Variants in RSU1 observed in about 807,000 individuals in gnomAD.
RSU1 encodes the protein Ras suppressor protein 1.
RSU1 carries 26 observed loss-of-function variants against 31.1 expected under a neutral mutation model. The observed-to-expected ratio is 0.84, with a 90% CI of 0.61 to 1.16. The LOEUF (loss-of-function observed/expected upper bound fraction) is 1.16, where lower values mean the gene tolerates loss of function less well. Among genes scored for constraint, RSU1 ranks in the 50% most tolerant of loss-of-function variants. The pLI, the probability that RSU1 is intolerant of heterozygous loss-of-function variation, is 0.00. For synonymous variants in RSU1, 164 were observed against 136.3 expected (o/e 1.20, Z -1.41); for missense variants, 320 against 339.1 (o/e 0.94, Z 0.44).
chr10:16,691,628 C>G (rs1835552468), intron 8 of RSU1, among the ~76,000 whole-genome samples: 1 of 151,230 alleles, frequency 6.6e-6, no homozygotes, highest in African/African-American at 2.4e-5. Context: ...AGCAGAGCAT[C>G]ATGTAGATGC....
At chr10:16,784,725 C>T (rs559204949) in intron 2 of RSU1, among the ~76,000 whole-genome samples, 34 of 152,284 alleles carry the variant, frequency 2.2e-4, no homozygotes, top group Middle Eastern at 6.8e-3. Flanking sequence ...TGCAGGGGAA[C>T]TCCCCTTCAT....
At chr10:16,614,626 A>C (rs1833944789) in intron 8 of RSU1, among the ~76,000 whole-genome samples, 1 of 152,224 alleles carries the variant, frequency 6.6e-6, no homozygotes, top group Admixed American at 6.5e-5. Flanking sequence ...CCATAAATAC[A>C]TACACCTACT....
At chr10:16,737,546 G>C (rs900788664) in intron 7 of RSU1, among the ~76,000 whole-genome samples, 4 of 151,842 alleles carry the variant, frequency 2.6e-5, no homozygotes, top group African/African-American at 4.8e-5. Flanking sequence ...AAATATTTCA[G>C]ATAAACAAAA....
chr10:16,805,633 G>A (rs1433364421), intron 2 of RSU1, among the ~76,000 whole-genome samples: 26 of 135,344 alleles, frequency 1.9e-4, no homozygotes, highest in Non-Finnish European at 3.3e-4. Context: ...CGGAGATCAC[G>A]CCACTGCACT....
At chr10:16,657,836 T>C (rs1480387030) in intron 8 of RSU1, among the ~76,000 whole-genome samples, 1 of 151,948 alleles carries the variant, frequency 6.6e-6, no homozygotes, top group Non-Finnish European at 1.5e-5. Flanking sequence ...CTACTAAAAA[T>C]ACAAAAATTA....
At chr10:16,757,116 C>CGT (rs368041257) in intron 4 of RSU1, among the ~76,000 whole-genome samples, 4 of 137,718 alleles carry the variant, frequency 2.9e-5, no homozygotes, top group South Asian at 4.8e-4. Context: ...TGTGGGTGTG[C>CGT]GTGTGTGTGT....
chr10:16,756,738 T>C (rs1398678316), intron 4 of RSU1, among the ~76,000 whole-genome samples: 2 of 152,206 alleles, frequency 1.3e-5, no homozygotes, highest in African/African-American at 4.8e-5. Context: ...AATGTGTGGA[T>C]TTTTGACTGC....
chr10:16,681,722 T>C (rs572967562), intron 8 of RSU1, among the ~76,000 whole-genome samples: 11 of 152,212 alleles, frequency 7.2e-5, no homozygotes, highest in African/African-American at 2.6e-4. Context: ...TCATTTGCCA[T>C]GAGAAAACTG....
intron 8 of RSU1, among the ~76,000 whole-genome samples, chr10:16,629,492 C>T (rs543681634): frequency 6.6e-6 from 1 of 152,168 alleles, no homozygotes; most frequent in South Asian, 2.1e-4. Flanking sequence ...CACTGAATTA[C>T]TGCATGGTAA....
chr10:16,746,064 C>T (rs1316292803), intron 7 of RSU1, among the ~76,000 whole-genome samples: 1 of 152,180 alleles, frequency 6.6e-6, no homozygotes, highest in Non-Finnish European at 1.5e-5. Flanking sequence ...AGATTTTTGA[C>T]TGTACATCCA....
chr10:16,738,851 C>A (rs906679090), intron 7 of RSU1, among the ~76,000 whole-genome samples: 4 of 150,194 alleles, frequency 2.7e-5, no homozygotes, highest in African/African-American at 9.8e-5. Flanking sequence ...TAATGCTCTC[C>A]CTCTCCTTGC....
chr10:16,754,762 T>G (rs994349347), intron 5 of RSU1, 109 bp downstream of exon 5: 17 of 701,926 alleles, frequency 2.4e-5, no homozygotes, highest in Admixed American at 7.2e-5. Flanking sequence ...AAGAAAAAAT[T>G]ATCTCTGTCC....
intron 7 of RSU1, among the ~76,000 whole-genome samples, chr10:16,729,603 G>A (rs1369422870): frequency 6.6e-6 from 1 of 152,176 alleles, no homozygotes; most frequent in African/African-American, 2.4e-5. Flanking sequence ...GGCATGAAAA[G>A]ATATGGAGAC....
At chr10:16,753,512 G>A (rs1211287080) in intron 5 of RSU1, among the ~76,000 whole-genome samples, 1 of 152,174 alleles carries the variant, frequency 6.6e-6, no homozygotes, top group Non-Finnish European at 1.5e-5. Flanking sequence ...CAGCTCATCA[G>A]TTCCATAATC....
At chr10:16,645,870 A>ATATTC (rs1564298092) in intron 8 of RSU1, among the ~76,000 whole-genome samples, 2 of 120,832 alleles carry the variant, frequency 1.7e-5, no homozygotes, top group African/African-American at 8.2e-5. Flanking sequence ...ACGTATATAT[A>ATATTC]CATATATGTG....
chr10:16,681,175 G>A (rs77976591), intron 8 of RSU1, among the ~76,000 whole-genome samples: 2,267 of 152,240 alleles, frequency 0.015, 64 homozygotes, highest in East Asian at 0.11. Flanking sequence ...TAAATATAAC[G>A]CACAACTGAC....
chr10:16,669,179 G>C lies in RSU1; in HGVS notation c.731+25844C>G, dbSNP rs117602801. On this transcript the variant is annotated intron_variant, in intron 8 of 8. Transcript: ENST00000345264. ...AAATGCTAGACCAGAGCTGTGCACA[G>C]TGTGACCTACAAACGTGCAACTCCT... Among the ~76,000 whole-genome samples, 765 of 152,002 alleles carry C rather than the reference G, an allele frequency of 5.0e-3. 5 individuals are homozygous for C. Among genetic ancestry groups the C allele is most frequent in the Non-Finnish European group, 8.6e-3 (583 of 67,976 alleles).
intron 2 of RSU1, among the ~76,000 whole-genome samples, chr10:16,797,495 A>G (rs1040680240): frequency 2.0e-5 from 3 of 152,262 alleles, no homozygotes; most frequent in African/African-American, 7.2e-5. Context: ...TGAGCAACAT[A>G]AAAAATATTG....
chr10:16,751,716 C>A (rs1836984538), intron 7 of RSU1, among the ~76,000 whole-genome samples: 1 of 152,202 alleles, frequency 6.6e-6, no homozygotes, highest in African/African-American at 2.4e-5. Context: ...ACTGCTTCCT[C>A]AATGTGTTTC....
Sources: gnomAD v4.1 joint callset for allele counts (sites outside exome capture counted in the v4.1 genomes callset) on GRCh38, gnomAD v4.1.1 for gene constraint, MANE v1.5 for transcripts, NCBI Gene and HGNC (gene_info 2026-07-23, HGNC 2026-07-21) for gene names.